Variants in PANX1 observed in about 807,000 individuals in gnomAD.
PANX1 encodes the protein pannexin 1, also known as pannexin-1.
PANX1 carries 30 observed loss-of-function variants against 38.7 expected under a neutral mutation model. That is an observed-to-expected ratio of 0.78 (90% CI 0.58 to 1.05). The LOEUF (loss-of-function observed/expected upper bound fraction) is 1.05, where lower values mean the gene tolerates loss of function less well. Ranked by LOEUF, PANX1 falls within the 50% of genes least tolerant of loss-of-function variation. The probability of loss-of-function intolerance (pLI) is 0.00; values close to 1 mark genes in which losing one functional copy is unlikely to be tolerated. For missense variants in PANX1, 551 were observed against 517.2 expected, an observed-to-expected ratio of 1.07 and a Z score of -0.63; for synonymous variants, 230 against 212.2, an observed-to-expected ratio of 1.08 and a Z score of -0.73.
intron 1 of PANX1, among the ~76,000 whole-genome samples, chr11:94,136,360 A>G (rs1051133404): frequency 3.9e-5 from 6 of 152,250 alleles, no homozygotes; most frequent in African/African-American, 1.4e-4. Flanking sequence ...TTCATGATAC[A>G]TGTTCTCCTA....
chr11:94,180,739 G>T, intron 4 of PANX1, 51 bp from the exon 5 acceptor site: 1 of 1,010,122 alleles, frequency 9.9e-7, no homozygotes, highest in Non-Finnish European at 1.6e-6. Context: ...GATTAGTATT[G>T]GTAATTCCTG....
At chr11:94,178,013 A>G (rs1947254608) in intron 2 of PANX1, among the ~76,000 whole-genome samples, 1 of 148,342 alleles carries the variant, frequency 6.7e-6, no homozygotes, top group Admixed American at 6.7e-5. Context: ...ACAAAAACCC[A>G]GCAGAAGCCT....
At chr11:94,168,976 G>A (rs1292979828) in intron 2 of PANX1, among the ~76,000 whole-genome samples, 1 of 151,714 alleles carries the variant, frequency 6.6e-6, no homozygotes, top group Non-Finnish European at 1.5e-5. Flanking sequence ...GACACTTGAA[G>A]AAGCCTGGTG....
At position 94,165,104 on chromosome 11, in the gene PANX1, G is replaced by C. The variant is rs536165733; in HGVS notation, c.321+11474G>C. Among the ~76,000 whole-genome samples the C allele has an allele frequency of 3.9e-5, 6 of 152,072 alleles. 1 individual carries two copies. The South Asian group carries it at 8.3e-4, about 21-fold the overall frequency. On this transcript the variant is annotated intron_variant, in intron 2 of 4. Transcript: ENST00000227638. ...AGTTTCTGGTCAGCAGCGTTTGGTT[G>C]GGTCTTGGTTTTTTATCCAGTGAGC... is the stretch of plus-strand genomic sequence containing the variant.
At chr11:94,160,821 G>T (rs934649732) in intron 2 of PANX1, among the ~76,000 whole-genome samples, 1 of 152,134 alleles carries the variant, frequency 6.6e-6, no homozygotes, top group East Asian at 1.9e-4. Flanking sequence ...TCCTAGCCTC[G>T]ATGGTCTTTA....
At chr11:94,176,810 G>T (rs1947237476) in intron 2 of PANX1, among the ~76,000 whole-genome samples, 1 of 151,696 alleles carries the variant, frequency 6.6e-6, no homozygotes, top group South Asian at 2.1e-4. Context: ...GGTCAGAGAG[G>T]TTGGCAACAT....
Position 94,128,973 on chromosome 11 carries a change from G to C in PANX1, c.-340G>C, listed in dbSNP as rs1213088776. 2 of 189,470 alleles carry C rather than the reference G, an allele frequency of 1.1e-5. No individual in the cohort carries two copies. The allele number at this position is 189,470 out of a possible 1,614,324, so 11.7% of individuals were successfully genotyped here. A position where few individuals can be genotyped will look rare whatever the true frequency, so the allele number is the denominator to read the frequency against. The stretch of plus-strand genomic sequence containing the variant: ...GCCAGAGGGAAGCGCTTTGTTCCGC[G>C]CGTGGTTCCCGCGCCTGGGGGTGCG... On this transcript the variant is annotated 5_prime_UTR_variant, in exon 1 of 5. Coordinates refer to ENST00000227638, the MANE Select transcript of PANX1 (RefSeq NM_015368.4).
intron 2 of PANX1, among the ~76,000 whole-genome samples, chr11:94,177,760 A>G (rs190267334): frequency 6.6e-6 from 1 of 152,020 alleles, no homozygotes; most frequent in Non-Finnish European, 1.5e-5. Context: ...GCCCAAGTTT[A>G]TCCAACTATA....
intron 1 of PANX1, among the ~76,000 whole-genome samples, chr11:94,143,786 T>C (rs950614950): frequency 9.9e-5 from 15 of 151,938 alleles, no homozygotes; most frequent in African/African-American, 3.6e-4. Context: ...TCTCTCTATA[T>C]TGCCCAGACT....
intron 1 of PANX1, among the ~76,000 whole-genome samples, chr11:94,151,327 T>C (rs533010033): frequency 6.6e-6 from 1 of 152,022 alleles, no homozygotes; most frequent in South Asian, 2.1e-4. Flanking sequence ...GAGGGGGAGG[T>C]CCTCGAGATC....
At position 94,129,370 on chromosome 11, in the gene PANX1, C is replaced by A. The variant is rs904301113; in HGVS notation, c.58C>A (p.Pro20Thr). ...YVFSDFLLKEPTEPKFKGLRL... is the reference protein window; with the variant it reads ...YVFSDFLLKETTEPKFKGLRL... The stretch of plus-strand genomic sequence containing the variant: ...GTTCTCGGATTTCTTGCTGAAGGAG[C>A]CCACGGAGCCCAAGTTCAAGGGGCT... The change falls in exon 1 of 5, where the codon CCC (proline) becomes ACC (threonine). Residue 20 changes from proline (P) to threonine (T), a missense_variant. By Grantham distance (38) the Pro-to-Thr change is conservative (BLOSUM62 -1). Transcript: ENST00000227638. 4 of 1,613,832 alleles carry A rather than the reference C, an allele frequency of 2.5e-6. No individual in the cohort carries two copies. In the Admixed American group the frequency reaches 5.0e-5, roughly 20 times the overall value.
intron 2 of PANX1, among the ~76,000 whole-genome samples, chr11:94,172,617 G>A (rs979840952): frequency 6.6e-6 from 1 of 151,720 alleles, no homozygotes; most frequent in African/African-American, 2.4e-5. Flanking sequence ...CACTATAATG[G>A]CAGAGTTGAG....
At position 94,128,927 on chromosome 11, in the gene PANX1, A is replaced by G. The variant is rs2134467455; in HGVS notation, c.-386A>G. ...TATCCCGGCGGCCGCTTCGGCAGCCAGGGCGGCGCGGAGGGGCAGGGCCAG... is the reference window on the plus strand; with the variant it reads ...TATCCCGGCGGCCGCTTCGGCAGCCGGGGCGGCGCGGAGGGGCAGGGCCAG... On this transcript the variant is annotated 5_prime_UTR_variant, in exon 1 of 5. Transcript: ENST00000227638. 1 of 157,472 alleles carries G rather than the reference A, an allele frequency of 6.4e-6. No individual in the cohort carries two copies. Among genetic ancestry groups the G allele is most frequent in the South Asian group, 2.0e-4 (1 of 4,990 alleles). The allele number at this position is 157,472 out of a possible 1,614,324, so 9.8% of individuals were successfully genotyped here.
chr11:94,172,414 C>G (rs1367956892), intron 2 of PANX1, among the ~76,000 whole-genome samples: 1 of 151,798 alleles, frequency 6.6e-6, no homozygotes, highest in Non-Finnish European at 1.5e-5. Context: ...TTATAACAGA[C>G]TGCCAGGTGA....
In PANX1 at chr11:94,129,393, G is replaced by T. The variant is rs143890339; in HGVS notation, c.81G>T (p.Gly27=). The change falls in exon 1 of 5, where the codon GGG becomes GGT. Residue 27 remains glycine, a synonymous_variant. Coordinates refer to ENST00000227638, the MANE Select transcript of PANX1 (RefSeq NM_015368.4). ...AGCCCACGGAGCCCAAGTTCAAGGG[G>T]CTGCGACTGGAGCTGGCTGTGGACA... The part of the protein sequence containing the change: ...LKEPTEPKFK[G]LRLELAVDKM... The T allele has an allele frequency of 4.7e-4, 756 of 1,613,950 alleles. 4 individuals carry two copies. The highest frequency in any genetic ancestry group is 1.4e-4 in the South Asian group (13 of 91,056).
At chr11:94,171,437 T>C (rs1565384182) in intron 2 of PANX1, among the ~76,000 whole-genome samples, 1 of 151,674 alleles carries the variant, frequency 6.6e-6, no homozygotes, top group Non-Finnish European at 1.5e-5. Context: ...ACCATGACCA[T>C]GTCTTGTTTA....
intron 2 of PANX1, among the ~76,000 whole-genome samples, chr11:94,161,911 T>C (rs1030585753): frequency 3.9e-5 from 6 of 152,214 alleles, no homozygotes; most frequent in Non-Finnish European, 8.8e-5. Flanking sequence ...TGGATGTCCT[T>C]TCTCTTTGTT....
chr11:94,151,562 A>G (rs1006636556), intron 1 of PANX1, among the ~76,000 whole-genome samples: 2 of 152,232 alleles, frequency 1.3e-5, no homozygotes, highest in African/African-American at 2.4e-5. Context: ...CCTGAGGACT[A>G]TCTGTCCCCT....
At chr11:94,133,885 A>G (rs1379174866) in intron 1 of PANX1, among the ~76,000 whole-genome samples, 2 of 152,162 alleles carry the variant, frequency 1.3e-5, no homozygotes, top group Non-Finnish European at 2.9e-5. Context: ...ACTCTCCCAG[A>G]GTGGCTGTGC....
Sources: gnomAD v4.1 joint callset for allele counts (sites outside exome capture counted in the v4.1 genomes callset) on GRCh38, gnomAD v4.1.1 for gene constraint, MANE v1.5 for transcripts, NCBI Gene and HGNC (gene_info 2026-07-23, HGNC 2026-07-21) for gene names.